Variants in EPHA3 observed in about 807,000 individuals in gnomAD.
The protein encoded by EPHA3 is ephrin type-A receptor 3.
A neutral mutation model predicts 107.1 loss-of-function variants in EPHA3; 42 were observed. That is an observed-to-expected ratio of 0.39 (90% confidence interval 0.31 to 0.51). The LOEUF (loss-of-function observed/expected upper bound fraction) is 0.51, where lower values mean the gene tolerates loss of function less well. Among genes scored for constraint, EPHA3 ranks in the 20% least tolerant of loss-of-function variants. The probability of loss-of-function intolerance (pLI) is 0.78; values close to 1 mark genes in which losing one functional copy is unlikely to be tolerated. For missense variants in EPHA3, 1,183 were observed against 1,211.2 expected (o/e 0.98, Z 0.35); for synonymous variants, 461 against 424.8 (o/e 1.09, Z -1.05).
chr3:89,471,984 G>T (rs1710412249), intron 15 of EPHA3, among the ~76,000 whole-genome samples: 1 of 151,914 alleles, frequency 6.6e-6, no homozygotes, highest in African/African-American at 2.4e-5. Flanking sequence ...TGTGAGTGTA[G>T]CCTAGATTGT....
At chr3:89,286,037 C>G (rs1484938340) in intron 3 of EPHA3, among the ~76,000 whole-genome samples, 1 of 151,320 alleles carries the variant, frequency 6.6e-6, no homozygotes, top group Non-Finnish European at 1.5e-5. Flanking sequence ...GTCTGGGAGG[C>G]CTGAGAGTCA....
chr3:89,430,730 T>A (rs1382509332), intron 12 of EPHA3, among the ~76,000 whole-genome samples: 1 of 152,162 alleles, frequency 6.6e-6, no homozygotes, highest in African/African-American at 2.4e-5. Flanking sequence ...ATCCACCTTA[T>A]TTGAAACAAT....
rs568777618 is a variant in EPHA3 at position 89,134,221 on chromosome 3, T to C, written c.153+6948T>C. ...GTCCTTGTCAACTTTCTTTTTTTTT[T>C]TTTAAAAAAATTATACTTTAAGTTC... is the stretch of plus-strand genomic sequence containing the variant. On this transcript the variant is annotated intron_variant, in intron 2 of 16. Coordinates refer to ENST00000336596, the MANE Select transcript of EPHA3 (RefSeq NM_005233.6). Among the ~76,000 whole-genome samples, 5 of 134,976 alleles carry C rather than the reference T, an allele frequency of 3.7e-5. No homozygotes were observed. In the South Asian group the frequency reaches 1.2e-3, roughly 31 times the overall value. 88.5% of individuals were successfully genotyped at this position (134,976 alleles called of 152,430 possible). A position where few individuals can be genotyped will look rare whatever the true frequency, so the allele number is the denominator to read the frequency against.
intron 3 of EPHA3, among the ~76,000 whole-genome samples, chr3:89,301,034 AT>A (rs1185420361): frequency 6.6e-6 from 1 of 152,068 alleles, no homozygotes; most frequent in Non-Finnish European, 1.5e-5. Context: ...ACAAATTCTG[AT>A]TTTTGCTTAA....
chr3:89,346,254 T>C (rs1408172871), intron 5 of EPHA3, among the ~76,000 whole-genome samples: 1 of 129,292 alleles, frequency 7.7e-6, no homozygotes, highest in Admixed American at 7.6e-5. Context: ...AGTGTTCCTG[T>C]TTCTCCACAT....
At chr3:89,476,856 C>T (rs1710525076) in intron 16 of EPHA3, among the ~76,000 whole-genome samples, 1 of 151,898 alleles carries the variant, frequency 6.6e-6, no homozygotes, top group East Asian at 1.9e-4. Context: ...GATTCACCCG[C>T]CTCGGCCTCC....
At chr3:89,388,374 A>G (rs901172041) in intron 5 of EPHA3, among the ~76,000 whole-genome samples, 9 of 152,184 alleles carry the variant, frequency 5.9e-5, no homozygotes, top group Non-Finnish European at 1.0e-4. Context: ...AACACAATGC[A>G]GTCAGATAAA....
At chr3:89,166,362 G>A (rs1705065489) in intron 2 of EPHA3, among the ~76,000 whole-genome samples, 2 of 152,110 alleles carry the variant, frequency 1.3e-5, no homozygotes, top group Admixed American at 1.3e-4. Context: ...TTGAACAGAA[G>A]CACTCACTCT....
intron 15 of EPHA3, among the ~76,000 whole-genome samples, chr3:89,470,275 T>G (rs989078418): frequency 6.6e-6 from 1 of 152,140 alleles, no homozygotes; most frequent in African/African-American, 2.4e-5. Flanking sequence ...TATATATGAC[T>G]AAATTTCTAG....
At chr3:89,153,269 A>G (rs1704726393) in intron 2 of EPHA3, among the ~76,000 whole-genome samples, 1 of 152,056 alleles carries the variant, frequency 6.6e-6, no homozygotes, top group Non-Finnish European at 1.5e-5. Flanking sequence ...TTCACTTAAG[A>G]TACTATGCTC....
intron 15 of EPHA3, 133 bp downstream of exon 15, chr3:89,450,503 T>G: frequency 1.3e-6 from 1 of 746,368 alleles, no homozygotes; most frequent in Non-Finnish European, 2.1e-6. Context: ...GAGAGATGTA[T>G]TTCCCCTTTC....
intron 13 of EPHA3, among the ~76,000 whole-genome samples, chr3:89,442,975 A>G (rs1412592057): frequency 2.6e-5 from 4 of 152,160 alleles, no homozygotes; most frequent in Non-Finnish European, 5.9e-5. Context: ...GTGATGTTCT[A>G]TTTTCATTTT....
In EPHA3 at chr3:89,365,941, A is replaced by C. The variant is rs540240628; in HGVS notation, c.1306+23851A>C. Among the ~76,000 whole-genome samples, 47 of 150,914 alleles carry C rather than the reference A, an allele frequency of 3.1e-4. 1 individual carries two copies. In the South Asian group the frequency reaches 9.2e-3, roughly 29 times the overall value. ...ATGGTTTGGGATGGGATGGTTTAGC[A>C]GAAATGCTTCTTGATTTTTGTGTAG... On this transcript the variant is annotated intron_variant, in intron 5 of 16. Coordinates refer to ENST00000336596, the MANE Select transcript of EPHA3 (RefSeq NM_005233.6).
At chr3:89,136,955 C>T (rs1006395377) in intron 2 of EPHA3, among the ~76,000 whole-genome samples, 9 of 151,772 alleles carry the variant, frequency 5.9e-5, no homozygotes, top group Admixed American at 2.0e-4. Flanking sequence ...ATAACTTTGG[C>T]ACTAAGCTCT....
At chr3:89,269,232 G>T (rs997163846) in intron 3 of EPHA3, among the ~76,000 whole-genome samples, 3 of 152,050 alleles carry the variant, frequency 2.0e-5, no homozygotes, top group African/African-American at 7.2e-5. Flanking sequence ...TTTACAGAGA[G>T]ACTGAGGCAC....
At chr3:89,428,588 G>A (rs1291618135) in intron 11 of EPHA3, among the ~76,000 whole-genome samples, 3 of 151,942 alleles carry the variant, frequency 2.0e-5, no homozygotes, top group Non-Finnish European at 4.4e-5. Context: ...GAATTGTTTT[G>A]TAGAACTCGT....
chr3:89,152,722 T>A (rs1486108626), intron 2 of EPHA3, among the ~76,000 whole-genome samples: 1 of 152,100 alleles, frequency 6.6e-6, no homozygotes, highest in East Asian at 1.9e-4. Flanking sequence ...TCTTTGAGGT[T>A]ATAGGAATAT....
chr3:89,131,579 G>C (rs1315500928), intron 2 of EPHA3, among the ~76,000 whole-genome samples: 1 of 152,084 alleles, frequency 6.6e-6, no homozygotes, highest in Non-Finnish European at 1.5e-5. Context: ...ACTTAGTATA[G>C]TATTGATATT....
intron 5 of EPHA3, among the ~76,000 whole-genome samples, chr3:89,347,656 A>T (rs1197437663): frequency 2.0e-5 from 3 of 150,726 alleles, no homozygotes; most frequent in African/African-American, 7.3e-5. Context: ...ACTATGTTGA[A>T]TAAGAGTGGT....
Sources: allele counts gnomAD v4.1 joint callset (sites outside exome capture counted in the v4.1 genomes callset), GRCh38; gene constraint gnomAD v4.1.1; transcripts MANE v1.5; gene names NCBI Gene and HGNC (gene_info 2026-07-23, HGNC 2026-07-21).